The following TRAF3 variants were observed in gnomAD, a reference collection of about 807,000 sequenced individuals.
TRAF3 encodes TNF receptor-associated factor 3.
Under a neutral mutation model 62.3 loss-of-function variants are expected in TRAF3, and 13 were observed. The ratio of observed to expected loss-of-function variants is 0.21; its 90% CI spans 0.14 to 0.33. TRAF3 has a LOEUF of 0.33. TRAF3 is among the 10% of genes least tolerant of loss of function. TRAF3 has a pLI of 1.00. For missense variants in TRAF3, 440 were observed against 741.8 expected, an observed-to-expected ratio of 0.59 and a Z score of 4.73; for synonymous variants, 269 against 283.4, an observed-to-expected ratio of 0.95 and a Z score of 0.51.
rs925252365 is a variant in TRAF3 at position 102,813,772 on chromosome 14, A to AT, written c.-156-16550dup. On this transcript the variant is annotated intron_variant, in intron 1 of 11. Coordinates refer to ENST00000392745, the MANE Select transcript of TRAF3 (RefSeq NM_145725.3). ...GCCAATTTGCCCATTTTTTAATTGGATTTTTTTTTTTTGCTGTTGAGATGT... is the reference window on the plus strand; with the variant it reads ...GCCAATTTGCCCATTTTTTAATTGGATTTTTTTTTTTTTGCTGTTGAGATGT... Among the ~76,000 whole-genome samples, 169 of 145,100 alleles carry AT rather than the reference A, an allele frequency of 1.2e-3. 1 individual carries two copies. Among genetic ancestry groups the AT allele is most frequent in the African/African-American group, 2.4e-3 (95 of 39,884 alleles).
rs146604751 is a variant in TRAF3, at chr14:102,783,049, C to T, written c.-157+5374C>T. Among the ~76,000 whole-genome samples, 1,118 of 152,256 alleles carry T rather than the reference C, an allele frequency of 7.3e-3. 22 individuals carry two copies. The highest frequency in any genetic ancestry group is 0.025 in the African/African-American group (1,039 of 41,542). On this transcript the variant is annotated intron_variant, in intron 1 of 11. Transcript: ENST00000392745. ...ATGCCCGTTAGGAGGCCTGCGTACACAAGGTAATGAGGTGCTCGTTAGGCC... is the reference window on the plus strand; with the variant it reads ...ATGCCCGTTAGGAGGCCTGCGTACATAAGGTAATGAGGTGCTCGTTAGGCC...
intron 1 of TRAF3, among the ~76,000 whole-genome samples, chr14:102,797,524 A>C (rs1237778196): frequency 6.6e-6 from 1 of 152,166 alleles, no homozygotes; most frequent in Non-Finnish European, 1.5e-5. Flanking sequence ...CCGCAGTGGA[A>C]GGACAAGATT....
intron 1 of TRAF3, among the ~76,000 whole-genome samples, chr14:102,823,006 C>T (rs568148045): frequency 7.8e-6 from 1 of 128,850 alleles, no homozygotes. Context: ...AACTCCATCT[C>T]AAAAAAAAAA....
chr14:102,806,664 A>G (rs570115860), intron 1 of TRAF3, among the ~76,000 whole-genome samples: 1 of 152,128 alleles, frequency 6.6e-6, no homozygotes, highest in Non-Finnish European at 1.5e-5. Flanking sequence ...TGTAGTCATG[A>G]GGCCTGTGTT....
chr14:102,862,274 C>T (rs925590118), intron 2 of TRAF3, among the ~76,000 whole-genome samples: 6 of 152,060 alleles, frequency 3.9e-5, no homozygotes, highest in Admixed American at 3.3e-4. Context: ...TGGCACTGGC[C>T]TGTAGTCCCA....
chr14:102,819,332 C>T, intron 1 of TRAF3, among the ~76,000 whole-genome samples: 1 of 152,140 alleles, frequency 6.6e-6, no homozygotes, highest in South Asian at 2.1e-4. Flanking sequence ...CTTGCCCGCA[C>T]CCACCACCAG....
intron 2 of TRAF3, among the ~76,000 whole-genome samples, chr14:102,836,117 T>A (rs1428053020): frequency 6.6e-6 from 1 of 152,218 alleles, no homozygotes; most frequent in African/African-American, 2.4e-5. Flanking sequence ...CCCAACTGTC[T>A]GTGACCATCT....
chr14:102,829,373 C>A (rs1261124059), intron 1 of TRAF3, among the ~76,000 whole-genome samples: 1 of 152,206 alleles, frequency 6.6e-6, no homozygotes, highest in Non-Finnish European at 1.5e-5. Flanking sequence ...CAGAGTAGTC[C>A]ATTGAGCTCA....
intron 2 of TRAF3, among the ~76,000 whole-genome samples, chr14:102,867,292 T>G (rs1936201651): frequency 6.6e-6 from 1 of 152,220 alleles, no homozygotes; most frequent in African/African-American, 2.4e-5. Context: ...ACACTTAGTC[T>G]TTGTTTTTAT....
intron 1 of TRAF3, among the ~76,000 whole-genome samples, chr14:102,822,904 G>T (rs1595331766): frequency 6.6e-6 from 1 of 152,064 alleles, no homozygotes; most frequent in East Asian, 1.9e-4. Flanking sequence ...TACTGGGGAG[G>T]CTGAGGCAGG....
chr14:102,808,004 G>A (rs1898876582), intron 1 of TRAF3, among the ~76,000 whole-genome samples: 1 of 152,226 alleles, frequency 6.6e-6, no homozygotes, highest in African/African-American at 2.4e-5. Context: ...AGACACGTCT[G>A]AAAGAAATGA....
At chr14:102,854,953 C>T (rs1466164966) in intron 2 of TRAF3, among the ~76,000 whole-genome samples, 2 of 151,862 alleles carry the variant, frequency 1.3e-5, no homozygotes, top group African/African-American at 2.4e-5. Context: ...ACATTTTTTT[C>T]GTTCCCAAAA....
chr14:102,777,451 G>C lies in TRAF3; in HGVS notation c.-381G>C, dbSNP rs1038553140. 4.2e-5 allele frequency: 6 copies of C among 144,396 alleles called. No individual in the cohort carries two copies. The highest frequency in any genetic ancestry group is 4.2e-4 in the South Asian group (2 of 4,800). 8.9% of individuals were successfully genotyped at this position (144,396 alleles called of 1,614,324 possible). ...AGCGCGCGAGAGGAAGTGCCTGCGCGGGGCTGCGTGAGGGAGCGAGGGAGC... is the reference window on the plus strand; with the variant it reads ...AGCGCGCGAGAGGAAGTGCCTGCGCCGGGCTGCGTGAGGGAGCGAGGGAGC... On this transcript the variant is annotated 5_prime_UTR_variant, in exon 1 of 12. Transcript: ENST00000392745.
intron 9 of TRAF3, among the ~76,000 whole-genome samples, chr14:102,894,525 G>C (rs1889898804): frequency 6.6e-6 from 1 of 151,892 alleles, no homozygotes; most frequent in Non-Finnish European, 1.5e-5. Context: ...CCGGCTCCTT[G>C]GAACACACCT....
At chr14:102,789,023 C>T (rs1897651110) in intron 1 of TRAF3, among the ~76,000 whole-genome samples, 1 of 152,190 alleles carries the variant, frequency 6.6e-6, no homozygotes, top group East Asian at 1.9e-4. Flanking sequence ...GTAATCACTC[C>T]CATTCCCCAA....
At position 102,868,773 on chromosome 14, in the gene TRAF3, T is replaced by TG. The variant is rs574930176; in HGVS notation, c.-17-1410dup. 3.9e-4 allele frequency among the ~76,000 whole-genome samples: 59 copies of TG among 152,330 alleles called. No individual in the cohort carries two copies. In the South Asian group the frequency reaches 0.011, roughly 29 times the overall value. ...AATCATTAGTGTGTTTATGAGTGCATGGTGTAATTTTTACTAAAGCTCACA... is the reference window on the plus strand; with the variant it reads ...AATCATTAGTGTGTTTATGAGTGCATGGGTGTAATTTTTACTAAAGCTCACA... On this transcript the variant is annotated intron_variant, in intron 2 of 11. Transcript: ENST00000392745.
At chr14:102,812,788 G>A (rs530921102) in intron 1 of TRAF3, among the ~76,000 whole-genome samples, 10 of 150,824 alleles carry the variant, frequency 6.6e-5, no homozygotes, top group South Asian at 2.1e-4. Context: ...GCACGGTGGC[G>A]GGCGCCTGTA....
chr14:102,900,293 G>C (rs919692520), intron 10 of TRAF3, among the ~76,000 whole-genome samples: 13 of 151,784 alleles, frequency 8.6e-5, no homozygotes, highest in Non-Finnish European at 1.8e-4. Context: ...ACGAGGTCAG[G>C]AGTTCAAGAC....
chr14:102,814,873 T>C (rs1212643315), intron 1 of TRAF3, among the ~76,000 whole-genome samples: 2 of 152,246 alleles, frequency 1.3e-5, no homozygotes, highest in African/African-American at 2.4e-5. Context: ...TTTTTAACTT[T>C]AAATGAAGTC....
Sources: allele counts gnomAD v4.1 joint callset (sites outside exome capture counted in the v4.1 genomes callset), GRCh38; gene constraint gnomAD v4.1.1; transcripts MANE v1.5; gene names NCBI Gene and HGNC (gene_info 2026-07-23, HGNC 2026-07-21).